The following ANK1 variants were observed in gnomAD, a reference collection of about 807,000 sequenced individuals.
The protein encoded by ANK1 is ankyrin-1.
ANK1 carries 51 observed loss-of-function variants against 210.4 expected under a neutral mutation model. The ratio of observed to expected loss-of-function variants is 0.24; its 90% CI spans 0.19 to 0.31. The LOEUF (loss-of-function observed/expected upper bound fraction) is 0.31, where lower values mean the gene tolerates loss of function less well. Among genes scored for constraint, ANK1 ranks in the 10% least tolerant of loss-of-function variants. ANK1 has a pLI of 1.00. For synonymous variants in ANK1, 967 were observed against 1,025.9 expected, an observed-to-expected ratio of 0.94 and a Z score of 1.10; for missense variants, 2,051 against 2,504.4, an observed-to-expected ratio of 0.82 and a Z score of 3.86.
chr8:41,716,258 G>A (rs912241895), intron 13 of ANK1, among the ~76,000 whole-genome samples: 6 of 151,980 alleles, frequency 3.9e-5, no homozygotes, highest in South Asian at 2.1e-4. Context: ...GAGTGGATGC[G>A]CTTGTCTTTC....
Position 41,761,855 on chromosome 8 carries a change from G to A in ANK1, c.28-3718C>T, listed in dbSNP as rs1290382364. ...ACAGGGGGTCCTCCCTCCACACTCA[G>A]GTGCTGCCCCACACCACCTCCCAGC... On this transcript the variant is annotated intron_variant, in intron 1 of 42. Transcript: ENST00000289734. Among the ~76,000 whole-genome samples the A allele has an allele frequency of 3.3e-5, 5 of 152,170 alleles. No individual in the cohort carries two copies. In the East Asian group the frequency reaches 7.7e-4, roughly 24 times the overall value.
At chr8:41,779,603 CAAAAGAAA>C (rs1004237647) in intron 1 of ANK1, among the ~76,000 whole-genome samples, 4 of 150,270 alleles carry the variant, frequency 2.7e-5, no homozygotes, top group African/African-American at 9.8e-5. Context: ...GGTGGAGGAA[CAAAAGAAA>C]AAAAGAAAAG....
chr8:41,893,652 C>G (rs1819884693), intron 1 of ANK1, among the ~76,000 whole-genome samples: 1 of 152,224 alleles, frequency 6.6e-6, no homozygotes, highest in South Asian at 2.1e-4. Context: ...GGGACAAACA[C>G]CTTTCCTTTG....
At chr8:41,726,061 C>T in intron 5 of ANK1, 115 bp from the exon 6 acceptor site, 2 of 1,185,530 alleles carry the variant, frequency 1.7e-6, no homozygotes, top group Non-Finnish European at 2.4e-6. Flanking sequence ...CCTGAGGGAC[C>T]TACCTCCACC....
At chr8:41,827,013 G>A (rs1302846493) in intron 1 of ANK1, among the ~76,000 whole-genome samples, 2 of 152,206 alleles carry the variant, frequency 1.3e-5, no homozygotes, top group Non-Finnish European at 2.9e-5. Context: ...TTCACTGCTT[G>A]ATCTATTGTC....
At chr8:41,848,561 C>T (rs535473607) in intron 1 of ANK1, among the ~76,000 whole-genome samples, 24 of 152,314 alleles carry the variant, frequency 1.6e-4, no homozygotes, top group African/African-American at 4.1e-4. Flanking sequence ...GGGGTGCTGT[C>T]GTCTGTGCCC....
chr8:41,896,133 G>A (rs1193142385), intron 1 of ANK1, among the ~76,000 whole-genome samples: 2 of 152,180 alleles, frequency 1.3e-5, no homozygotes, highest in Non-Finnish European at 2.9e-5. Flanking sequence ...CAGCCTCCCG[G>A]CCACCCGCTC....
At chr8:41,847,498 T>C (rs1211436161) in intron 1 of ANK1, among the ~76,000 whole-genome samples, 1 of 152,220 alleles carries the variant, frequency 6.6e-6, no homozygotes, top group Non-Finnish European at 1.5e-5. Context: ...ACGGAGGTGA[T>C]AATGACACTG....
chr8:41,772,378 C>T (rs750401065), intron 1 of ANK1, among the ~76,000 whole-genome samples: 1 of 152,218 alleles, frequency 6.6e-6, no homozygotes, highest in South Asian at 2.1e-4. Context: ...CTGACCACCA[C>T]TTCTGGCACA....
rs990344871 is a variant in ANK1 at position 41,797,499 on chromosome 8, G to A, written c.27+13C>T. On this transcript the variant is annotated intron_variant, in intron 1 of 42. Coordinates refer to ENST00000289734, the MANE Select transcript of ANK1 (RefSeq NM_000037.4). The surrounding 1 kb of genome is among the most constrained non-coding windows in gnomAD (Gnocchi z 4.0). ...CATCTCCCCGTCCACCCGAGCAGCC[G>A]CCCAGTACTCACTTCGCGGAAGCCC... 2 of 1,612,356 alleles carry A rather than the reference G, an allele frequency of 1.2e-6. No individual in the cohort carries two copies. Among genetic ancestry groups the A allele is most frequent in the Non-Finnish European group, 1.7e-6 (2 of 1,178,722 alleles).
At chr8:41,850,937 T>C (rs1029116815) in intron 1 of ANK1, among the ~76,000 whole-genome samples, 7 of 152,230 alleles carry the variant, frequency 4.6e-5, no homozygotes, top group African/African-American at 1.2e-4. Flanking sequence ...ACCCGGCCTC[T>C]TTCTAAGGGA....
rs754199993 is a variant in ANK1 at position 41,695,296 on chromosome 8, T to C, written c.2996A>G (p.His999Arg). The change falls in exon 27 of 43, where the codon CAT (histidine) becomes CGT (arginine). Residue 999 changes from histidine (H) to arginine (R), a missense_variant. His to Arg is a conservative substitution (Grantham distance 29). Coordinates refer to ENST00000289734, the MANE Select transcript of ANK1 (RefSeq NM_000037.4). ...VIVEIPHFAS[H>R]GRGDRELVVL... Reference sequence around the variant, plus strand: ...CACGAGCTCGCGGTCTCCACGGCCATGGGAGGCAAAGTGCGGGATCTCCAC... The same window carrying C: ...CACGAGCTCGCGGTCTCCACGGCCACGGGAGGCAAAGTGCGGGATCTCCAC... 17 of 1,613,392 alleles carry C rather than the reference T, an allele frequency of 1.1e-5. No individual in the cohort carries two copies. The Middle Eastern group carries it at 9.9e-4, about 94-fold the overall frequency.
At position 41,689,589 on chromosome 8, in the gene ANK1, G is replaced by A. The variant is rs541398636; in HGVS notation, c.4104+638C>T. ...ACAACAGCAGCAAAACAACAGCAAC[G>A]AAAACCACAGAGACGGTCTGGAGAC... On this transcript the variant is annotated intron_variant, in intron 33 of 42. Coordinates refer to ENST00000289734, the MANE Select transcript of ANK1 (RefSeq NM_000037.4). Among the ~76,000 whole-genome samples, 17 of 152,272 alleles carry A rather than the reference G, an allele frequency of 1.1e-4. No individual in the cohort carries two copies. The South Asian group carries it at 3.3e-3, about 30-fold the overall frequency.
At chr8:41,720,275 C>A (rs1224577284) in intron 9 of ANK1, among the ~76,000 whole-genome samples, 1 of 152,162 alleles carries the variant, frequency 6.6e-6, no homozygotes, top group Non-Finnish European at 1.5e-5. Flanking sequence ...TCCTTAAATG[C>A]CCCACAGTGC....
At chr8:41,778,764 T>A (rs1327908977) in intron 1 of ANK1, among the ~76,000 whole-genome samples, 2 of 152,176 alleles carry the variant, frequency 1.3e-5, no homozygotes, top group African/African-American at 4.8e-5. Flanking sequence ...CACAAAGATT[T>A]TATACAAAGA....
At chr8:41,799,924 C>T (rs1404387823), upstream of ANK1, among the ~76,000 whole-genome samples, 3 of 152,142 alleles carry the variant, frequency 2.0e-5, no homozygotes, top group Non-Finnish European at 4.4e-5. Context: ...AAGCAGCTGC[C>T]CCCGTGACAA....
At chr8:41,783,844 T>G (rs1219675711) in intron 1 of ANK1, among the ~76,000 whole-genome samples, 1 of 152,118 alleles carries the variant, frequency 6.6e-6, no homozygotes, top group Admixed American at 6.5e-5. Flanking sequence ...GGGAGGATCA[T>G]TTGAGGCCAG....
Position 41,890,717 on chromosome 8 carries a change from A to G in ANK1, c.126+5638T>C, listed in dbSNP as rs553530978. Among the ~76,000 whole-genome samples the G allele has an allele frequency of 4.6e-5, 7 of 151,846 alleles. No individual in the cohort carries two copies. The East Asian group carries it at 1.3e-3, about 29-fold the overall frequency. On this transcript the variant is annotated intron_variant, in intron 1 of 42. Coordinates refer to the ANK1 transcript ENST00000265709. Reference sequence around the variant, plus strand: ...GAGCGAGACTCCGTCTCAAAAAAAAAAAAAAAAAGAAAAAAGAAAAAAAGA... The same window carrying G: ...GAGCGAGACTCCGTCTCAAAAAAAAGAAAAAAAAGAAAAAAGAAAAAAAGA...
At chr8:41,750,043 G>A (rs374782239) in intron 2 of ANK1, among the ~76,000 whole-genome samples, 1 of 152,322 alleles carries the variant, frequency 6.6e-6, no homozygotes, top group East Asian at 1.9e-4. Flanking sequence ...GCTCCACTAA[G>A]CCCTAAGATT....
Sources: allele counts gnomAD v4.1 joint callset (sites outside exome capture counted in the v4.1 genomes callset), GRCh38; gene constraint gnomAD v4.1.1; non-coding constraint Gnocchi (gnomAD v3.1); transcripts MANE v1.5; gene names NCBI Gene and HGNC (gene_info 2026-07-23, HGNC 2026-07-21).